XKR6: variants seen among roughly 807,000 people sequenced by gnomAD.
XKR6 encodes the protein XK related 6.
Under a neutral mutation model 56.7 loss-of-function variants are expected in XKR6, and 22 were observed. That is an observed-to-expected ratio of 0.39 (90% CI 0.28 to 0.55). XKR6 has a LOEUF of 0.55. XKR6 is among the 20% of genes least tolerant of loss of function. The probability of loss-of-function intolerance (pLI) is 0.66; values close to 1 mark genes in which losing one functional copy is unlikely to be tolerated. For synonymous variants in XKR6, 524 were observed against 387.8 expected (o/e 1.35, Z -4.13); for missense variants, 852 against 889.0 (o/e 0.96, Z 0.53).
chr8:10,918,768 C>A (rs1409419757), intron 2 of XKR6, among the ~76,000 whole-genome samples: 1 of 152,204 alleles, frequency 6.6e-6, no homozygotes, highest in Non-Finnish European at 1.5e-5. Flanking sequence ...AAAGATCTTC[C>A]TCCCAACACA....
At chr8:10,925,434 G>T (rs1268534359) in intron 1 of XKR6, among the ~76,000 whole-genome samples, 1 of 152,142 alleles carries the variant, frequency 6.6e-6, no homozygotes, top group Non-Finnish European at 1.5e-5. Flanking sequence ...AACAAGTAGG[G>T]ATCACATCCA....
At chr8:10,926,355 A>T (rs899111437) in intron 1 of XKR6, among the ~76,000 whole-genome samples, 1 of 152,192 alleles carries the variant, frequency 6.6e-6, no homozygotes, top group East Asian at 1.9e-4. Context: ...TCAAACACAC[A>T]TGCCAGGTGC....
At chr8:11,067,831 T>C (rs1352561554) in intron 1 of XKR6, among the ~76,000 whole-genome samples, 2 of 152,202 alleles carry the variant, frequency 1.3e-5, no homozygotes, top group African/African-American at 2.4e-5. Flanking sequence ...TTTTGCCCCA[T>C]CTACCAGCTG....
chr8:11,193,956 A>T (rs1172170089), intron 1 of XKR6, among the ~76,000 whole-genome samples: 1 of 152,242 alleles, frequency 6.6e-6, no homozygotes, highest in African/African-American at 2.4e-5. Flanking sequence ...CAAGTTTCTC[A>T]GTAGGTTTAG....
intron 1 of XKR6, among the ~76,000 whole-genome samples, chr8:11,069,182 G>A (rs1343822647): frequency 6.6e-6 from 1 of 151,972 alleles, no homozygotes; most frequent in Non-Finnish European, 1.5e-5. Flanking sequence ...AAAGAGTAGA[G>A]GCCCCACTGT....
chr8:11,144,494 C>T (rs138778959), intron 1 of XKR6, among the ~76,000 whole-genome samples: 37 of 151,940 alleles, frequency 2.4e-4, no homozygotes, highest in Admixed American at 3.9e-4. Flanking sequence ...GAAAGGACCA[C>T]GTAATCTGGA....
intron 1 of XKR6, among the ~76,000 whole-genome samples, chr8:11,181,024 T>C (rs919139950): frequency 3.3e-5 from 5 of 152,222 alleles, no homozygotes; most frequent in African/African-American, 4.8e-5. Flanking sequence ...CTTCATACTT[T>C]TTGTTTAAAA....
chr8:10,933,313 G>T (rs1249873222), intron 1 of XKR6, among the ~76,000 whole-genome samples: 1 of 99,874 alleles, frequency 1.0e-5, no homozygotes, highest in African/African-American at 5.2e-5. Context: ...TGTCAGATGA[G>T]TAGGTTGCGA....
At chr8:11,025,904 A>G (rs73541252) in intron 1 of XKR6, among the ~76,000 whole-genome samples, 7,611 of 152,214 alleles carry the variant, frequency 0.05, 585 homozygotes, top group African/African-American at 0.17. Flanking sequence ...GGCTGGTCCA[A>G]ACTGAAATGT....
intron 2 of XKR6, among the ~76,000 whole-genome samples, chr8:10,902,121 T>C (rs957240893): frequency 2.0e-5 from 3 of 152,212 alleles, no homozygotes; most frequent in South Asian, 2.1e-4. Context: ...AGTTGCGGCT[T>C]CTAGAATTTC....
intron 1 of XKR6, among the ~76,000 whole-genome samples, chr8:11,180,302 G>C (rs1585025576): frequency 6.6e-6 from 1 of 152,224 alleles, no homozygotes; most frequent in African/African-American, 2.4e-5. Context: ...CCTGAACAAA[G>C]AACAGGGGAA....
At chr8:11,144,318 G>A (rs1411852052) in intron 1 of XKR6, among the ~76,000 whole-genome samples, 1 of 149,744 alleles carries the variant, frequency 6.7e-6, no homozygotes, top group Non-Finnish European at 1.5e-5. Flanking sequence ...AATAAAGGAA[G>A]AAGCGGGTAT....
At chr8:11,079,099 G>A (rs1390816161) in intron 1 of XKR6, among the ~76,000 whole-genome samples, 1 of 152,186 alleles carries the variant, frequency 6.6e-6, no homozygotes, top group Non-Finnish European at 1.5e-5. Flanking sequence ...CTGTGCAGGA[G>A]AACAGAGTGC....
chr8:10,940,125 A>C (rs1381600289), intron 1 of XKR6, among the ~76,000 whole-genome samples: 1 of 152,202 alleles, frequency 6.6e-6, no homozygotes, highest in Non-Finnish European at 1.5e-5. Flanking sequence ...CATGTAGCAG[A>C]GCGCCTGGCA....
Position 10,898,529 on chromosome 8 carries a change from A to G in XKR6, c.1349T>C (p.Leu450Ser), listed in dbSNP as rs778725796. Residue 450 changes from leucine to serine, a missense_variant, in exon 3 of 3, where the codon TTG becomes TCG. Leu to Ser is a moderately radical substitution (Grantham distance 145, BLOSUM62 -2). Transcript: ENST00000416569. The surrounding 1 kb of genome is among the most constrained non-coding windows in gnomAD (Gnocchi z 6.6). ...GAACGTCAAGGCAGCATTCTCGGTC[A>G]AGACTATCGTATAATATGCAAACAT... ...YRMFAYYTIV[L>S]TENAALTFLW... 3 of 1,614,168 alleles carry G rather than the reference A, an allele frequency of 1.9e-6. No homozygotes were observed. Among genetic ancestry groups the G allele is most frequent in the Non-Finnish European group, 1.7e-6 (2 of 1,180,038 alleles).
intron 1 of XKR6, among the ~76,000 whole-genome samples, chr8:11,002,076 AAAAAAC>A (rs2129143293): frequency 7.0e-6 from 1 of 142,644 alleles, no homozygotes; most frequent in African/African-American, 2.7e-5. Flanking sequence ...AAAAAAAAAA[AAAAAAC>A]ACACAAAAAA....
In XKR6 at chr8:10,897,882, A is replaced by G; in HGVS notation, c.*70T>C. 3 of 1,507,156 alleles carry G rather than the reference A, an allele frequency of 2.0e-6. No homozygotes were observed. Among genetic ancestry groups the G allele is most frequent in the East Asian group, 2.3e-5 (1 of 43,798 alleles). 93.4% of individuals were successfully genotyped at this position (1,507,156 alleles called of 1,614,324 possible). Reference sequence around the variant, plus strand: ...CTGTGTATTGGGGGAAGGGAGGGTTATATTTCTTGCAAGTGCTGTTTGCCG... The same window carrying G: ...CTGTGTATTGGGGGAAGGGAGGGTTGTATTTCTTGCAAGTGCTGTTTGCCG... On this transcript the variant is annotated 3_prime_UTR_variant, in exon 3 of 3. Transcript: ENST00000416569.
chr8:11,000,769 T>A (rs1433380048), intron 1 of XKR6, among the ~76,000 whole-genome samples: 1 of 152,196 alleles, frequency 6.6e-6, no homozygotes, highest in Non-Finnish European at 1.5e-5. Flanking sequence ...TGCTAGTTCA[T>A]CTTCTCATGG....
rs182785148 is a variant in XKR6 at position 11,039,592 on chromosome 8, C to T, written c.765-114762G>A. ...CAGAGACAACACGCGCTGGCCCCAA[C>T]GTCCAGGGTGGATGGAACAAGACCT... On this transcript the variant is annotated intron_variant, in intron 1 of 2. Coordinates refer to ENST00000416569, the MANE Select transcript of XKR6 (RefSeq NM_173683.4). Among the ~76,000 whole-genome samples, 6 of 152,320 alleles carry T rather than the reference C, an allele frequency of 3.9e-5. No individual in the cohort carries two copies. The South Asian group carries it at 8.3e-4, about 21-fold the overall frequency.
Sources: allele counts gnomAD v4.1 joint callset (sites outside exome capture counted in the v4.1 genomes callset), GRCh38; gene constraint gnomAD v4.1.1; non-coding constraint Gnocchi (gnomAD v3.1); transcripts MANE v1.5; gene names NCBI Gene and HGNC (gene_info 2026-07-23, HGNC 2026-07-21).